Variants in OR1F1 observed in about 807,000 individuals in gnomAD.
The protein encoded by OR1F1 is olfactory receptor 1F1.
For synonymous variants in OR1F1, 184 were observed against 156.7 expected (o/e 1.17, Z -1.30); for missense variants, 493 against 376.3 (o/e 1.31, Z -2.57).
exon 1 of OR1F1, chr16:3,204,888 C>T (rs1446163464): frequency 1.2e-6 from 2 of 1,614,044 alleles, no homozygotes; most frequent in Admixed American, 3.3e-5. Flanking sequence ...TTCTTTGCAT[C>T]CTGGCTTCTT....
chr16:3,201,219 A>G (rs1958131508), upstream of OR1F1, among the ~76,000 whole-genome samples: 1 of 152,118 alleles, frequency 6.6e-6, no homozygotes, highest in Admixed American at 6.5e-5. Context: ...TTATCTATTC[A>G]TCTGTTGATG....
the OR1F1 span, among the ~76,000 whole-genome samples, chr16:3,194,587 G>T: frequency 6.6e-6 from 1 of 152,198 alleles, no homozygotes; most frequent in Non-Finnish European, 1.5e-5. Context: ...TGAGGCCCCA[G>T]ATGTTTGTGT....
At chr16:3,199,115 C>CAAA in the OR1F1 span, among the ~76,000 whole-genome samples, 256 of 52,578 alleles carry the variant, frequency 4.9e-3, 46 homozygotes, top group East Asian at 0.013. Flanking sequence ...CCTGTCTCTA[C>CAAA]AAAAAAAAAA....
chr16:3,192,158 G>A, the OR1F1 span, among the ~76,000 whole-genome samples: 1 of 152,290 alleles, frequency 6.6e-6, no homozygotes, highest in Admixed American at 6.5e-5. Context: ...CTGGGTTCAC[G>A]CCATTCTCCT....
chr16:3,199,164 A>G, the OR1F1 span, among the ~76,000 whole-genome samples: 1 of 146,694 alleles, frequency 6.8e-6, no homozygotes, highest in African/African-American at 2.5e-5. Context: ...TTACCTGAAC[A>G]TAGTGGCATG....
chr16:3,193,233 G>T, the OR1F1 span, among the ~76,000 whole-genome samples: 1 of 152,202 alleles, frequency 6.6e-6, no homozygotes, highest in Non-Finnish European at 1.5e-5. Flanking sequence ...GCCCCTGCAG[G>T]ATCTTTTGTC....
the OR1F1 span, among the ~76,000 whole-genome samples, chr16:3,194,121 G>C: frequency 4.4e-4 from 67 of 152,212 alleles, 1 homozygote; most frequent in African/African-American, 1.6e-3. Context: ...AGAAAAACAG[G>C]GCATTAAACA....
At chr16:3,202,993 T>C (rs572004897), upstream of OR1F1, among the ~76,000 whole-genome samples, 3 of 152,198 alleles carry the variant, frequency 2.0e-5, no homozygotes, top group South Asian at 6.2e-4. Flanking sequence ...TTCACAGGTA[T>C]CTCCCAACAA....
At chr16:3,190,535 G>A in the OR1F1 span, among the ~76,000 whole-genome samples, 1 of 152,178 alleles carries the variant, frequency 6.6e-6, no homozygotes, top group African/African-American at 2.4e-5. Flanking sequence ...TTAATCACCT[G>A]ATGTCAGGAG....
the OR1F1 span, among the ~76,000 whole-genome samples, chr16:3,190,975 T>G: frequency 7.2e-4 from 109 of 152,268 alleles, 2 homozygotes; most frequent in Non-Finnish European, 1.0e-4. Flanking sequence ...CAAATAGTTC[T>G]AGATATAAAA....
At chr16:3,191,509 A>G in the OR1F1 span, among the ~76,000 whole-genome samples, 1 of 152,316 alleles carries the variant, frequency 6.6e-6, no homozygotes, top group East Asian at 1.9e-4. Flanking sequence ...AAGCCCGGCT[A>G]GCTCAGTCGG....
At chr16:3,193,558 C>T in the OR1F1 span, among the ~76,000 whole-genome samples, 3 of 152,292 alleles carry the variant, frequency 2.0e-5, no homozygotes, top group East Asian at 1.9e-4. Flanking sequence ...ATGGCGTCCC[C>T]GGCGACCCGA....
the OR1F1 span, among the ~76,000 whole-genome samples, chr16:3,190,915 G>T: frequency 3.9e-5 from 6 of 152,082 alleles, no homozygotes; most frequent in African/African-American, 1.4e-4. Context: ...TTTGACAACG[G>T]GACCTATGTA....
chr16:3,205,207 T>G, downstream of OR1F1: 1 of 1,543,166 alleles, frequency 6.5e-7, no homozygotes, highest in Non-Finnish European at 8.8e-7. Flanking sequence ...AGACTGAATC[T>G]CATTCCCAAG....
At chr16:3,203,203 T>C (rs1231634570), upstream of OR1F1, among the ~76,000 whole-genome samples, 2 of 152,200 alleles carry the variant, frequency 1.3e-5, no homozygotes, top group Non-Finnish European at 2.9e-5. Flanking sequence ...AATTACTCTC[T>C]GCTTTTCTCA....
chr16:3,195,251 T>C, the OR1F1 span, among the ~76,000 whole-genome samples: 21 of 152,036 alleles, frequency 1.4e-4, no homozygotes, highest in Non-Finnish European at 2.6e-4. Flanking sequence ...GACAGGTAAC[T>C]CATTGTGCTA....
the OR1F1 span, among the ~76,000 whole-genome samples, chr16:3,192,003 G>C: frequency 6.6e-6 from 1 of 152,284 alleles, no homozygotes; most frequent in South Asian, 2.1e-4. Flanking sequence ...CGTTGGTCTA[G>C]GGGTATGATT....
At chr16:3,190,900 A>G in the OR1F1 span, among the ~76,000 whole-genome samples, 4 of 152,172 alleles carry the variant, frequency 2.6e-5, 1 homozygote, top group South Asian at 6.2e-4. Context: ...AATAAAGAAA[A>G]TATCTTTGAC....
At chr16:3,194,169 T>A in the OR1F1 span, among the ~76,000 whole-genome samples, 1 of 151,838 alleles carries the variant, frequency 6.6e-6, no homozygotes. Flanking sequence ...ATGAGAAGAG[T>A]GAAGATTTTA....
Sources: gnomAD v4.1 joint callset for allele counts (sites outside exome capture counted in the v4.1 genomes callset) on GRCh38, gnomAD v4.1.1 for gene constraint, MANE v1.5 for transcripts, NCBI Gene and HGNC (gene_info 2026-07-23, HGNC 2026-07-21) for gene names.